The following RGS3 variants were observed in gnomAD, a reference collection of about 807,000 sequenced individuals.
RGS3 encodes regulator of G-protein signalling 3.
Under a neutral mutation model 132.6 loss-of-function variants are expected in RGS3, and 80 were observed. The ratio of observed to expected loss-of-function variants is 0.60; its 90% CI spans 0.50 to 0.73. RGS3 has a LOEUF of 0.73. RGS3 is among the 30% of genes least tolerant of loss of function. The pLI, the probability that RGS3 is intolerant of heterozygous loss-of-function variation, is 0.00. For missense variants in RGS3, 1,382 were observed against 1,530.8 expected (o/e 0.90, Z 1.62); for synonymous variants, 598 against 620.6 (o/e 0.96, Z 0.54).
intron 20 of RGS3, among the ~76,000 whole-genome samples, chr9:113,588,815 G>A (rs930384123): frequency 1.3e-5 from 2 of 152,162 alleles, no homozygotes; most frequent in East Asian, 1.9e-4. Flanking sequence ...AGGGAAGTCC[G>A]GTTATTACCC....
chr9:113,529,315 G>A, intron 18 of RGS3, 51 bp downstream of exon 16: 1 of 1,420,456 alleles, frequency 7.0e-7, no homozygotes, highest in South Asian at 1.1e-5. Context: ...CCTGGTGCTT[G>A]AGGGGAGACA....
At chr9:113,529,914 G>T (rs1832393362) in intron 18 of RGS3, among the ~76,000 whole-genome samples, 1 of 152,228 alleles carries the variant, frequency 6.6e-6, no homozygotes, top group Non-Finnish European at 1.5e-5. Context: ...TGGTTTGGTA[G>T]ATAAAATATC....
chr9:113,555,629 G>A (rs1447443837), intron 19 of RGS3, among the ~76,000 whole-genome samples: 2 of 152,058 alleles, frequency 1.3e-5, no homozygotes, highest in Non-Finnish European at 2.9e-5. Context: ...ACCACGCCCA[G>A]CTAATTTTTG....
At chr9:113,520,739 T>C (rs1339431461) in intron 16 of RGS3, among the ~76,000 whole-genome samples, 1 of 152,098 alleles carries the variant, frequency 6.6e-6, no homozygotes, top group African/African-American at 2.4e-5. Flanking sequence ...TGCTCGGACT[T>C]TGAAGTCTTC....
chr9:113,563,337 C>T (rs973595608), intron 19 of RGS3, among the ~76,000 whole-genome samples: 2 of 152,166 alleles, frequency 1.3e-5, no homozygotes, highest in Non-Finnish European at 1.5e-5. Context: ...CAGGGCCTAA[C>T]ACAGAGCCTG....
exon 25 of RGS3, chr9:113,596,965 G>A (rs949084886): frequency 6.3e-6 from 10 of 1,587,474 alleles, no homozygotes; most frequent in Non-Finnish European, 8.6e-6. Context: ...GGCCACTGGA[G>A]TCGAGCTCAG....
chr9:113,464,240 A>T (rs1829555957), intron 3 of RGS3, among the ~76,000 whole-genome samples: 1 of 152,238 alleles, frequency 6.6e-6, no homozygotes, highest in East Asian at 1.9e-4. Context: ...TAGCAACTGG[A>T]GATCTCATTC....
chr9:113,595,691 A>G lies in RGS3; in HGVS notation c.3337A>G (p.Lys1113Glu), dbSNP rs539113489. 1 of 1,614,206 alleles carries G rather than the reference A, an allele frequency of 6.2e-7. No individual in the cohort carries two copies. The highest frequency in any genetic ancestry group is 1.7e-5 in the Admixed American group (1 of 60,034). Reference sequence around the variant, plus strand: ...GGCTTGTGAGGACTTCAAGAAGGTCAAGTCACAGTCCAAGATGGCATCCAA... The same window carrying G: ...GGCTTGTGAGGACTTCAAGAAGGTCGAGTCACAGTCCAAGATGGCATCCAA... Residue 1113 changes from lysine (K) to glutamate (E), a missense_variant, in exon 24 of 25, where the codon AAG becomes GAG. Physicochemically the swap from Lys to Glu is moderately conservative, Grantham distance 56. Transcript: ENST00000350696.
At chr9:113,539,461 C>T (rs991782344) in intron 19 of RGS3, among the ~76,000 whole-genome samples, 1 of 152,196 alleles carries the variant, frequency 6.6e-6, no homozygotes, top group African/African-American at 2.4e-5. Flanking sequence ...AGGCACATGC[C>T]ACCATGCCTG....
chr9:113,463,684 C>G lies in RGS3; in HGVS notation c.415+1483C>G, dbSNP rs1224084702. ...GCCGGGCGCGCCCTGGCCGTTCCAA[C>G]GCTTGGGGCAGCCCTACCTCCCGCT... On this transcript the variant is annotated intron_variant, in intron 3 of 24. Coordinates refer to ENST00000350696, the Ensembl canonical transcript of RGS3. The surrounding 1 kb of genome is among the most constrained non-coding windows in gnomAD (Gnocchi z 4.6). 2 of 1,405,618 alleles carry G rather than the reference C, an allele frequency of 1.4e-6. No homozygotes were observed. The highest frequency in any genetic ancestry group is 1.8e-6 in the Non-Finnish European group (2 of 1,082,802). 87.1% of individuals were successfully genotyped at this position (1,405,618 alleles called of 1,614,324 possible).
chr9:113,514,621 C>T (rs750653397), exon 15 of RGS3: 1 of 1,613,910 alleles, frequency 6.2e-7, no homozygotes, highest in Non-Finnish European at 8.5e-7. Flanking sequence ...TCACCCTGGC[C>T]CCCAAAGTCC....
chr9:113,514,928 G>T (rs1831578443), intron 15 of RGS3, among the ~76,000 whole-genome samples: 1 of 152,104 alleles, frequency 6.6e-6, no homozygotes, highest in African/African-American at 2.4e-5. Context: ...TGGGGAAAGG[G>T]CAGGTGCACC....
rs747531708 is a variant in RGS3, at chr9:113,497,396, C to T, written c.833C>T (p.Pro278Leu). ...AAGGTGGCCAGGCGGCGACTGCGGC[C>T]GCTGAGAGGTACCTGCACACCCCCT... The change falls in exon 9 of 25, where the codon CCG becomes CTG. Residue 278 changes from proline (P) to leucine (L), a missense_variant. Coordinates refer to ENST00000350696, the Ensembl canonical transcript of RGS3. 38 of 1,613,034 alleles carry T rather than the reference C, an allele frequency of 2.4e-5. No homozygotes were observed. Among genetic ancestry groups the T allele is most frequent in the Admixed American group, 8.3e-5 (5 of 59,986 alleles).
chr9:113,517,495 A>G (rs769832434), intron 15 of RGS3, 46 bp from the exon 14 acceptor site: 1 of 1,534,090 alleles, frequency 6.5e-7, no homozygotes, highest in East Asian at 2.2e-5. Flanking sequence ...CCGGGTCCTC[A>G]CCCAGCCTCT....
chr9:113,552,790 T>G (rs1157371282), intron 19 of RGS3, among the ~76,000 whole-genome samples: 1 of 152,208 alleles, frequency 6.6e-6, no homozygotes, highest in East Asian at 1.9e-4. Context: ...TTATGCAAAT[T>G]TTAAGATTTC....
chr9:113,500,749 A>G (rs1411315776), intron 10 of RGS3, among the ~76,000 whole-genome samples: 1 of 148,022 alleles, frequency 6.8e-6, no homozygotes, highest in Non-Finnish European at 1.5e-5. Context: ...GTACCGTGGC[A>G]TGATCTCAGC....
intron 7 of RGS3, 23 bp downstream of exon 5, chr9:113,485,716 A>AG: frequency 6.4e-7 from 1 of 1,558,842 alleles, no homozygotes; most frequent in Admixed American, 1.9e-5. Flanking sequence ...GCTGAGCTGG[A>AG]GGGGGACTCT....
rs745578883 is a variant in RGS3, at chr9:113,591,513, C to T, written c.3080+116C>T. On this transcript the variant is annotated intron_variant, in intron 21 of 24. Coordinates refer to ENST00000350696, the Ensembl canonical transcript of RGS3. The surrounding 1 kb of genome is among the most constrained non-coding windows in gnomAD (Gnocchi z 4.4). ...GGTTGTGCCTGGTCCCGCCCACAAC[C>T]CCAGACAGACACCAAGGAAAAACTG... 16 of 876,524 alleles carry T rather than the reference C, an allele frequency of 1.8e-5. No individual in the cohort carries two copies. Among genetic ancestry groups the T allele is most frequent in the Non-Finnish European group, 3.0e-5 (16 of 530,456 alleles). 54.3% of individuals were successfully genotyped at this position (876,524 alleles called of 1,614,324 possible).
At chr9:113,578,689 G>A (rs1834648474) in intron 19 of RGS3, among the ~76,000 whole-genome samples, 1 of 152,292 alleles carries the variant, frequency 6.6e-6, no homozygotes, top group Non-Finnish European at 1.5e-5. Context: ...GTTCCTGGAA[G>A]CTAGCATTGA....
Sources: allele counts gnomAD v4.1 joint callset (sites outside exome capture counted in the v4.1 genomes callset), GRCh38; gene constraint gnomAD v4.1.1; non-coding constraint Gnocchi (gnomAD v3.1); transcripts MANE v1.5; gene names NCBI Gene and HGNC (gene_info 2026-07-23, HGNC 2026-07-21).